KCNMA1: variants seen among roughly 807,000 people sequenced by gnomAD.
KCNMA1 encodes the protein Calcium-activated potassium channel subunit alpha-1.
Under a neutral mutation model 140.0 loss-of-function variants are expected in KCNMA1, and 29 were observed. That is an observed-to-expected ratio of 0.21 (90% CI 0.15 to 0.28). The LOEUF (loss-of-function observed/expected upper bound fraction) is 0.28. Among genes scored for constraint, KCNMA1 ranks in the 10% least tolerant of loss-of-function variants. The pLI is 1.00. For synonymous variants in KCNMA1, 612 were observed against 611.9 expected, an observed-to-expected ratio of 1.00 and a Z score of 0.00; for missense variants, 880 against 1,602.2, an observed-to-expected ratio of 0.55 and a Z score of 7.70.
At chr10:77,554,559 T>C (rs2063663270) in intron 1 of KCNMA1, among the ~76,000 whole-genome samples, 2 of 124,810 alleles carry the variant, frequency 1.6e-5, no homozygotes, top group South Asian at 4.9e-4. Context: ...ATTGCACCAC[T>C]GCACTCCAGT....
chr10:77,106,667 G>C (rs2097204306), intron 9 of KCNMA1, among the ~76,000 whole-genome samples: 1 of 152,188 alleles, frequency 6.6e-6, no homozygotes, highest in Admixed American at 6.5e-5. Flanking sequence ...AGATAGGGAG[G>C]CCATAAAGAG....
intron 2 of KCNMA1, among the ~76,000 whole-genome samples, chr10:77,345,930 A>G (rs2092035619): frequency 6.6e-6 from 1 of 152,224 alleles, no homozygotes; most frequent in Non-Finnish European, 1.5e-5. Context: ...TGCGACTGCC[A>G]GATAACACCT....
intron 3 of KCNMA1, among the ~76,000 whole-genome samples, chr10:77,199,359 A>T (rs1016365081): frequency 1.3e-5 from 2 of 152,196 alleles, no homozygotes; most frequent in Non-Finnish European, 2.9e-5. Flanking sequence ...AGAGAAGTCT[A>T]CCCAGATTTT....
chr10:77,455,890 G>A (rs958769486), intron 1 of KCNMA1, among the ~76,000 whole-genome samples: 1 of 152,206 alleles, frequency 6.6e-6, no homozygotes, highest in Admixed American at 6.5e-5. Flanking sequence ...AGAGCTTTCA[G>A]TCCAAGGAAG....
chr10:76,918,388 C>G (rs2053849015), intron 23 of KCNMA1, among the ~76,000 whole-genome samples: 1 of 152,190 alleles, frequency 6.6e-6, no homozygotes, highest in South Asian at 2.1e-4. Context: ...ACCAGATGGG[C>G]TCCTGATTCT....
intron 1 of KCNMA1, among the ~76,000 whole-genome samples, chr10:77,485,953 C>T (rs896729297): frequency 2.0e-5 from 3 of 152,060 alleles, no homozygotes; most frequent in Admixed American, 1.3e-4. Context: ...GACCAGGTAC[C>T]GGGCTCTGGG....
rs199569326 is a variant in KCNMA1, at chr10:76,887,287, G to T, written c.3690C>A (p.Tyr1230Ter). 1.2e-6 allele frequency: 2 copies of T among 1,613,982 alleles called. No homozygotes were observed. Among genetic ancestry groups the T allele is most frequent in the Admixed American group, 1.7e-5 (1 of 60,006 alleles). The change falls in exon 28 of 28, where the codon TAC becomes TAA. Residue 1230 changes from tyrosine to a stop codon, truncating the protein, a stop_gained. Transcript: ENST00000286628. LOFTEE classifies it high-confidence loss of function. The part of the protein sequence containing the change: ...KSRESRDKQK[Y>*]VQEERL ...CATATCAAAGCCGCTCTTCCTGCACGTACTTCTGTTTGTCCCGGGACTCCC... is the reference window on the plus strand; with the variant it reads ...CATATCAAAGCCGCTCTTCCTGCACTTACTTCTGTTTGTCCCGGGACTCCC...
At chr10:76,961,271 G>A (rs1349530760) in intron 20 of KCNMA1, among the ~76,000 whole-genome samples, 2 of 151,896 alleles carry the variant, frequency 1.3e-5, no homozygotes, top group Non-Finnish European at 2.9e-5. Flanking sequence ...CTTCAGTGGA[G>A]GAAGTAACAG....
chr10:77,599,645 G>A (rs542447644), intron 1 of KCNMA1, among the ~76,000 whole-genome samples: 10 of 152,306 alleles, frequency 6.6e-5, no homozygotes, highest in Non-Finnish European at 8.8e-5. Flanking sequence ...CAGAGTTGAC[G>A]ATGTGTGATC....
chr10:76,996,242 T>C (rs909700290), intron 19 of KCNMA1, among the ~76,000 whole-genome samples: 4 of 152,208 alleles, frequency 2.6e-5, no homozygotes, highest in Admixed American at 2.6e-4. Flanking sequence ...ATTTCTGCCT[T>C]ACAATGCTGA....
At chr10:77,481,989 A>T (rs2098403888) in intron 1 of KCNMA1, among the ~76,000 whole-genome samples, 1 of 152,234 alleles carries the variant, frequency 6.6e-6, no homozygotes. Context: ...TCAGGGCCAG[A>T]TCCCTGGCAC....
At chr10:77,467,024 A>T (rs1484570464) in intron 1 of KCNMA1, among the ~76,000 whole-genome samples, 3 of 152,200 alleles carry the variant, frequency 2.0e-5, no homozygotes, top group South Asian at 2.1e-4. Flanking sequence ...GTGCTAGGAA[A>T]AATCTAGCTA....
chr10:77,462,593 GT>G, intron 1 of KCNMA1, among the ~76,000 whole-genome samples: 1 of 152,268 alleles, frequency 6.6e-6, no homozygotes, highest in East Asian at 1.9e-4. Flanking sequence ...ACTGTGTGAT[GT>G]TTTTAGCTTT....
intron 2 of KCNMA1, among the ~76,000 whole-genome samples, chr10:77,344,240 G>A (rs993760199): frequency 4.6e-5 from 7 of 152,178 alleles, no homozygotes; most frequent in South Asian, 2.1e-4. Flanking sequence ...GAGGGCTCAC[G>A]AGCTAAGAGG....
At chr10:77,142,108 C>G (rs564548665) in intron 5 of KCNMA1, among the ~76,000 whole-genome samples, 3 of 152,290 alleles carry the variant, frequency 2.0e-5, no homozygotes, top group African/African-American at 7.2e-5. Flanking sequence ...TGGCTCATGC[C>G]TGTAATCCCA....
intron 5 of KCNMA1, among the ~76,000 whole-genome samples, chr10:77,130,810 T>C (rs1367159337): frequency 1.3e-5 from 2 of 152,128 alleles, no homozygotes; most frequent in African/African-American, 4.8e-5. Flanking sequence ...TGTATTTATT[T>C]ATATTTATAT....
At chr10:77,409,471 A>C (rs2096570595) in intron 1 of KCNMA1, among the ~76,000 whole-genome samples, 1 of 152,100 alleles carries the variant, frequency 6.6e-6, no homozygotes, top group African/African-American at 2.4e-5. Flanking sequence ...CCTCCCCGAT[A>C]AGACAATTGC....
At chr10:77,099,714 CAAA>C (rs58252192) in intron 9 of KCNMA1, among the ~76,000 whole-genome samples, 8 of 125,798 alleles carry the variant, frequency 6.4e-5, no homozygotes, top group African/African-American at 8.9e-5. Flanking sequence ...AACTCCATCT[CAAA>C]AAAAAAAAAA....
chr10:77,225,703 C>T (rs968579642), intron 3 of KCNMA1, among the ~76,000 whole-genome samples: 13 of 152,190 alleles, frequency 8.5e-5, no homozygotes, highest in Non-Finnish European at 4.4e-5. Context: ...TTGTGGCCTT[C>T]TTCCTGTGGC....
Sources: gnomAD v4.1 joint callset for allele counts (sites outside exome capture counted in the v4.1 genomes callset) on GRCh38, gnomAD v4.1.1 for gene constraint, MANE v1.5 for transcripts, NCBI Gene and HGNC (gene_info 2026-07-23, HGNC 2026-07-21) for gene names.